PHLPP1: variants seen among roughly 807,000 people sequenced by gnomAD.
PHLPP1 encodes the protein PH domain leucine-rich repeat-containing protein phosphatase 1.
Under a neutral mutation model 117.2 loss-of-function variants are expected in PHLPP1, and 42 were observed. The ratio of observed to expected loss-of-function variants is 0.36; its 90% CI spans 0.28 to 0.46. The LOEUF (loss-of-function observed/expected upper bound fraction) is 0.46. Among genes scored for constraint, PHLPP1 ranks in the 20% least tolerant of loss-of-function variants. The pLI is 1.00. For synonymous variants in PHLPP1, 1,042 were observed against 970.7 expected, an observed-to-expected ratio of 1.07 and a Z score of -1.37; for missense variants, 2,084 against 2,241.9, an observed-to-expected ratio of 0.93 and a Z score of 1.42.
intron 10 of PHLPP1, among the ~76,000 whole-genome samples, chr18:62,929,346 A>C (rs1250676354): frequency 6.6e-6 from 1 of 152,192 alleles, no homozygotes; most frequent in African/African-American, 2.4e-5. Flanking sequence ...TAGTAATTTA[A>C]ATAAATTGTA....
intron 4 of PHLPP1, among the ~76,000 whole-genome samples, chr18:62,867,527 C>G (rs1169264330): frequency 1.3e-5 from 2 of 152,166 alleles, no homozygotes; most frequent in Non-Finnish European, 2.9e-5. Context: ...TGATAGCAGC[C>G]TCACTTTATC....
At chr18:62,719,984 T>C (rs1910868268) in intron 1 of PHLPP1, among the ~76,000 whole-genome samples, 1 of 152,216 alleles carries the variant, frequency 6.6e-6, no homozygotes. Context: ...TGGATAAAGG[T>C]ACTATCTAAT....
rs1306708914 is a variant in PHLPP1, at chr18:62,979,240, CCGGCT to C, written c.4965_4969del (p.Gln1657GlyfsTer3). 1 of 1,593,674 alleles carries C rather than the reference CCGGCT, an allele frequency of 6.3e-7. No homozygotes were observed. Among genetic ancestry groups the C allele is most frequent in the Non-Finnish European group, 8.5e-7 (1 of 1,169,790 alleles). The stretch of plus-strand genomic sequence containing the variant: ...AAAGCCTGGAGGCTATTTTGCTGCC[CCGGCT>C]CAGCCGGATCCTGATGATCAGTTTA... On this transcript the variant is annotated frameshift_variant, in exon 17 of 17. Coordinates refer to ENST00000262719, the MANE Select transcript of PHLPP1 (RefSeq NM_194449.4). LOFTEE classifies it low-confidence loss of function (END_TRUNC).
intron 4 of PHLPP1, among the ~76,000 whole-genome samples, chr18:62,880,174 T>C (rs1008087907): frequency 1.3e-5 from 2 of 152,086 alleles, no homozygotes; most frequent in African/African-American, 4.8e-5. Flanking sequence ...CATCAGACTT[T>C]TATTATACCT....
intron 1 of PHLPP1, among the ~76,000 whole-genome samples, chr18:62,771,797 T>C (rs1334086147): frequency 6.6e-6 from 1 of 152,214 alleles, no homozygotes; most frequent in Non-Finnish European, 1.5e-5. Flanking sequence ...CCTTCTTCTG[T>C]TAAGAATGCA....
chr18:62,882,529 G>C (rs1568148997), intron 4 of PHLPP1, among the ~76,000 whole-genome samples: 1 of 152,156 alleles, frequency 6.6e-6, no homozygotes, highest in Non-Finnish European at 1.5e-5. Context: ...AAAGTGCTGG[G>C]ATTACAGGCA....
In PHLPP1 at chr18:62,979,267, T is replaced by C. The variant is rs756950227; in HGVS notation, c.4990T>C (p.Phe1664Leu). ...GGCTCAGCCGGATCCTGATGATCAGTTTATCATACCCCCGGAGCTGGAAGA... is the reference window on the plus strand; with the variant it reads ...GGCTCAGCCGGATCCTGATGATCAGCTTATCATACCCCCGGAGCTGGAAGA... ...APAQPDPDDQ[F>L]IIPPELEEEV... is the part of the protein sequence containing the mutation. The change falls in exon 17 of 17, where the codon TTT (phenylalanine) becomes CTT (leucine). Residue 1664 changes from phenylalanine (F) to leucine (L), a missense_variant. This residue lies in a region of PHLPP1 where 1,365 missense variants were observed against 1,605.9 expected (regional missense o/e 0.85). Transcript: ENST00000262719. 1.7e-5 allele frequency: 27 copies of C among 1,573,056 alleles called. No individual in the cohort carries two copies. The Admixed American group carries it at 4.9e-4, about 28-fold the overall frequency.
intron 1 of PHLPP1, among the ~76,000 whole-genome samples, chr18:62,738,798 T>G (rs897191370): frequency 2.0e-5 from 3 of 152,234 alleles, no homozygotes; most frequent in African/African-American, 7.2e-5. Flanking sequence ...TCATCTATTT[T>G]TGGACTGTGG....
chr18:62,867,817 AT>A (rs869074450), intron 4 of PHLPP1, among the ~76,000 whole-genome samples: 354 of 144,182 alleles, frequency 2.5e-3, no homozygotes, highest in East Asian at 4.4e-3. Context: ...TAGTATGTGG[AT>A]TTTTTTTTTT....
chr18:62,756,465 A>G (rs1912023234), intron 1 of PHLPP1, among the ~76,000 whole-genome samples: 1 of 152,242 alleles, frequency 6.6e-6, no homozygotes, highest in African/African-American at 2.4e-5. Flanking sequence ...ATTTCACAAC[A>G]TTGAGAATCC....
intron 1 of PHLPP1, among the ~76,000 whole-genome samples, chr18:62,752,471 T>G (rs1401664067): frequency 3.9e-5 from 6 of 152,236 alleles, no homozygotes; most frequent in Non-Finnish European, 2.9e-5. Context: ...AGACGCTGAA[T>G]TGTTGTTATA....
At chr18:62,877,614 CT>C (rs201762953) in intron 4 of PHLPP1, among the ~76,000 whole-genome samples, 1,698 of 152,304 alleles carry the variant, frequency 0.011, 19 homozygotes, top group Non-Finnish European at 0.018. Context: ...TATGGAATGT[CT>C]TTTTGTCAGT....
intron 1 of PHLPP1, among the ~76,000 whole-genome samples, chr18:62,827,884 T>C (rs1914653322): frequency 6.6e-6 from 1 of 152,260 alleles, no homozygotes; most frequent in Non-Finnish European, 1.5e-5. Flanking sequence ...CCAGCCCTTA[T>C]GTACCCCTGT....
In PHLPP1 at chr18:62,903,148, C is replaced by T; in HGVS notation, c.2629C>T (p.Leu877Phe). 1.9e-6 allele frequency: 3 copies of T among 1,611,276 alleles called. No individual in the cohort carries two copies. The highest frequency in any genetic ancestry group is 2.5e-6 in the Non-Finnish European group (3 of 1,178,074). ...CATCTGTGGCTATTTCCTAAAAGCG[C>T]TCTATGCCTCTTCTAATGGTATGTA... ...LDICGYFLKA[L>F]YASSNELVQL... Residue 877 changes from leucine to phenylalanine, a missense_variant, in exon 7 of 17, where the codon CTC (leucine) becomes TTC (phenylalanine). Leu to Phe is a conservative substitution (Grantham distance 22, BLOSUM62 0). Coordinates refer to ENST00000262719, the MANE Select transcript of PHLPP1 (RefSeq NM_194449.4).
intron 12 of PHLPP1, among the ~76,000 whole-genome samples, chr18:62,950,976 G>A (rs1217612495): frequency 6.6e-6 from 1 of 151,682 alleles, no homozygotes; most frequent in African/African-American, 2.4e-5. Flanking sequence ...AGTTAACCCA[G>A]ACTAGTTTTT....
At chr18:62,808,767 T>A (rs1052202545) in intron 1 of PHLPP1, among the ~76,000 whole-genome samples, 3 of 152,148 alleles carry the variant, frequency 2.0e-5, no homozygotes, top group South Asian at 2.1e-4. Context: ...TTGGTCAGGC[T>A]GGTCTCAAAC....
chr18:62,921,535 T>C (rs919636862), intron 10 of PHLPP1, among the ~76,000 whole-genome samples: 4 of 152,222 alleles, frequency 2.6e-5, no homozygotes, highest in Admixed American at 1.3e-4. Flanking sequence ...TCTCTCTCCA[T>C]TATTAGATTA....
chr18:62,804,131 G>A (rs1913867334), intron 1 of PHLPP1, among the ~76,000 whole-genome samples: 1 of 152,156 alleles, frequency 6.6e-6, no homozygotes, highest in African/African-American at 2.4e-5. Flanking sequence ...GGAGAGGCAA[G>A]TACCTTCTTC....
In PHLPP1 at chr18:62,896,006, T is replaced by C. The variant is rs1916554165; in HGVS notation, c.2439T>C (p.Asp813=). ...LRKMPHIKHV[D]LRLNVIRKLI... is the part of the protein sequence containing the mutation. The stretch of plus-strand genomic sequence containing the variant: ...AAATGCCTCACATTAAACATGTGGA[T>C]CTAAGGTAACCATTTTTGAGAAATA... Residue 813 remains aspartate, a synonymous_variant, in exon 6 of 17, where the codon GAT becomes GAC. Transcript: ENST00000262719. The C allele has an allele frequency of 1.3e-6, 2 of 1,593,770 alleles. No homozygotes were observed. The highest frequency in any genetic ancestry group is 3.4e-5 in the Admixed American group (2 of 59,560).
Sources: allele counts gnomAD v4.1 joint callset (sites outside exome capture counted in the v4.1 genomes callset), GRCh38; gene constraint gnomAD v4.1.1; regional missense constraint gnomAD v4.1.1; transcripts MANE v1.5; gene names NCBI Gene and HGNC (gene_info 2026-07-23, HGNC 2026-07-21).